Variants in NOX4 observed in about 807,000 individuals in gnomAD.
The protein encoded by NOX4 is kidney oxidase-1.
Under a neutral mutation model 87.6 loss-of-function variants are expected in NOX4, and 69 were observed. That is an observed-to-expected ratio of 0.79 (90% CI 0.65 to 0.96). The LOEUF is 0.96. Ranked by LOEUF, NOX4 falls within the 40% of genes least tolerant of loss-of-function variation. The pLI is 0.00. For synonymous variants in NOX4, 275 were observed against 238.2 expected, an observed-to-expected ratio of 1.15 and a Z score of -1.42; for missense variants, 680 against 681.5, an observed-to-expected ratio of 1.00 and a Z score of 0.02.
chr11:89,533,823 A>T, the NOX4 span: 2 of 152,048 alleles, frequency 1.3e-5, no homozygotes, highest in South Asian at 2.1e-4. Context: ...CTTGTCCTGA[A>T]TTTTTTCTTC....
At chr11:89,386,648 C>T (rs978274063) in intron 11 of NOX4, among the ~76,000 whole-genome samples, 2 of 152,072 alleles carry the variant, frequency 1.3e-5, no homozygotes, top group Non-Finnish European at 2.9e-5. Flanking sequence ...CCTCCAAAAT[C>T]GTGGAGGCCT....
chr11:89,574,209 A>G, the NOX4 span, among the ~76,000 whole-genome samples: 1 of 152,132 alleles, frequency 6.6e-6, no homozygotes, highest in Non-Finnish European at 1.5e-5. Flanking sequence ...TGCCATGCTC[A>G]TGCCTGTCTA....
chr11:89,584,259 T>C, the NOX4 span, among the ~76,000 whole-genome samples: 2 of 152,158 alleles, frequency 1.3e-5, no homozygotes, highest in Non-Finnish European at 2.9e-5. Flanking sequence ...GAAAACTAAA[T>C]ATGAGTCTTT....
the NOX4 span, among the ~76,000 whole-genome samples, chr11:89,522,007 T>C: frequency 2.7e-5 from 4 of 148,380 alleles, no homozygotes; most frequent in Admixed American, 1.4e-4. Context: ...AAATGGTTAC[T>C]GTTAGAAAGA....
chr11:89,474,825 A>T (rs1403016233), intron 2 of NOX4, among the ~76,000 whole-genome samples: 1 of 152,032 alleles, frequency 6.6e-6, no homozygotes, highest in Non-Finnish European at 1.5e-5. Flanking sequence ...TTAAGTACCA[A>T]GAATTCAATG....
chr11:89,440,756 C>T, intron 5 of NOX4, 41 bp from the exon 6 acceptor site: 1 of 1,165,484 alleles, frequency 8.6e-7, no homozygotes, highest in East Asian at 2.5e-5. Flanking sequence ...AAAACTAAAG[C>T]ACTGATGATA....
chr11:89,394,917 G>T (rs762944752), intron 11 of NOX4, among the ~76,000 whole-genome samples: 2 of 152,148 alleles, frequency 1.3e-5, no homozygotes, highest in African/African-American at 2.4e-5. Context: ...GGACATTTGG[G>T]TTGGTTCCAA....
chr11:89,458,712 A>T (rs1424081922), intron 2 of NOX4, among the ~76,000 whole-genome samples: 3 of 152,188 alleles, frequency 2.0e-5, no homozygotes, highest in Non-Finnish European at 4.4e-5. Flanking sequence ...AATATTCAAC[A>T]TCACTAATTA....
chr11:89,500,528 T>C (rs955578878), upstream of NOX4, among the ~76,000 whole-genome samples: 2 of 152,250 alleles, frequency 1.3e-5, no homozygotes, highest in Non-Finnish European at 2.9e-5. Context: ...AGTCATTACT[T>C]GTTTTAGCCT....
At chr11:89,452,528 T>C (rs576013288) in intron 2 of NOX4, among the ~76,000 whole-genome samples, 6 of 152,136 alleles carry the variant, frequency 3.9e-5, no homozygotes, top group Non-Finnish European at 7.4e-5. Context: ...GTCTCTAACC[T>C]CCTTTCTAAT....
intron 11 of NOX4, among the ~76,000 whole-genome samples, chr11:89,399,535 C>A (rs4500492): frequency 6.8e-6 from 1 of 146,430 alleles, no homozygotes; most frequent in Non-Finnish European, 1.5e-5. Flanking sequence ...GGGATCAAGG[C>A]TCAATGAAAC....
At chr11:89,489,659 CAG>C (rs1321761881) in intron 2 of NOX4, among the ~76,000 whole-genome samples, 4 of 148,274 alleles carry the variant, frequency 2.7e-5, no homozygotes, top group South Asian at 2.1e-4. Flanking sequence ...ACCAGGCAAT[CAG>C]AGGTTGCAGT....
intron 11 of NOX4, among the ~76,000 whole-genome samples, chr11:89,398,048 A>G (rs951940098): frequency 2.6e-5 from 4 of 152,294 alleles, no homozygotes; most frequent in East Asian, 1.9e-4. Flanking sequence ...CCTGATGAAC[A>G]TTGATGCAAA....
intron 4 of NOX4, among the ~76,000 whole-genome samples, chr11:89,445,927 T>A (rs1944681743): frequency 1.3e-5 from 2 of 152,048 alleles, no homozygotes; most frequent in South Asian, 4.1e-4. Flanking sequence ...CATGAGAAGA[T>A]AAGCCACAGA....
At chr11:89,350,999 A>C (rs888142776) in intron 13 of NOX4, among the ~76,000 whole-genome samples, 3 of 152,238 alleles carry the variant, frequency 2.0e-5, no homozygotes, top group Admixed American at 2.0e-4. Flanking sequence ...TGAGGAAGGC[A>C]TGTTGAAAGC....
chr11:89,458,299 T>A (rs1342607848), intron 2 of NOX4, among the ~76,000 whole-genome samples: 2 of 152,036 alleles, frequency 1.3e-5, no homozygotes, highest in Non-Finnish European at 2.9e-5. Context: ...TAAAGCAATA[T>A]AAAAATTAAT....
intron 6 of NOX4, among the ~76,000 whole-genome samples, chr11:89,437,601 C>T (rs563783638): frequency 1.6e-4 from 25 of 152,060 alleles, no homozygotes; most frequent in South Asian, 6.2e-4. Flanking sequence ...CAAAATGGTG[C>T]TAATTTGCTG....
chr11:89,340,008 G>A (rs1945906005), intron 15 of NOX4, 55 bp downstream of exon 15: 1 of 852,732 alleles, frequency 1.2e-6, no homozygotes, highest in Non-Finnish European at 1.8e-6. Context: ...TAATATAAAA[G>A]CTATAACATT....
chr11:89,553,222 T>C, the NOX4 span, among the ~76,000 whole-genome samples: 1 of 152,110 alleles, frequency 6.6e-6, no homozygotes, highest in Non-Finnish European at 1.5e-5. Flanking sequence ...AATCCCTACA[T>C]GTCAAGGGCA....
Sources: allele counts gnomAD v4.1 joint callset (sites outside exome capture counted in the v4.1 genomes callset), GRCh38; gene constraint gnomAD v4.1.1; transcripts MANE v1.5; gene names NCBI Gene and HGNC (gene_info 2026-07-23, HGNC 2026-07-21).